The following PRKD2 variants were observed in gnomAD, a reference collection of about 807,000 sequenced individuals.
PRKD2 encodes the protein protein kinase D2.
A neutral mutation model predicts 86.0 loss-of-function variants in PRKD2; 22 were observed. The ratio of observed to expected loss-of-function variants is 0.26; its 90% CI spans 0.18 to 0.37. The LOEUF (loss-of-function observed/expected upper bound fraction) is 0.37. PRKD2 is among the 10% of genes least tolerant of loss of function. The probability of loss-of-function intolerance (pLI) is 1.00; values close to 1 mark genes in which losing one functional copy is unlikely to be tolerated. For synonymous variants in PRKD2, 509 were observed against 510.9 expected, an observed-to-expected ratio of 1.00 and a Z score of 0.05; for missense variants, 818 against 1,199.2, an observed-to-expected ratio of 0.68 and a Z score of 4.70.
rs775542092 is a variant in PRKD2 at position 46,678,428 on chromosome 19, G to A, written c.2306C>T (p.Pro769Leu). ...TGAGATGTGGCTCCAGGGGCTGGCC[G>A]GGTACATGAAGGCGGCGTTCTGGAT... ...DQIQNAAFMY[P>L]ASPWSHISAG... Residue 769 changes from proline (P) to leucine (L), a missense_variant, in exon 16 of 18, where the codon CCG (proline) becomes CTG (leucine). By Grantham distance (98) the Pro-to-Leu change is moderately conservative. Around this residue, in one of 5 missense-constraint regions of PRKD2, gnomAD observed 154 missense variants for 359.6 expected, o/e 0.43. Transcript: ENST00000291281. This position sits in a 1 kb window ranked among gnomAD's most constrained non-coding sequence, Gnocchi z 5.7. The A allele has an allele frequency of 1.2e-6, 2 of 1,614,138 alleles. No homozygotes were observed. Among genetic ancestry groups the A allele is most frequent in the South Asian group, 1.1e-5 (1 of 91,084 alleles).
At chr19:46,687,109 G>C (rs886818494) in intron 14 of PRKD2, among the ~76,000 whole-genome samples, 1 of 151,468 alleles carries the variant, frequency 6.6e-6, no homozygotes, top group Non-Finnish European at 1.5e-5. Context: ...AACAGAGGCC[G>C]GGCACAGTGG....
chr19:46,689,574 C>T lies in PRKD2; in HGVS notation c.1934G>A (p.Arg645Gln), dbSNP rs756439784. 6.8e-6 allele frequency: 11 copies of T among 1,613,310 alleles called. No individual in the cohort carries two copies. The highest frequency in any genetic ancestry group is 6.7e-5 in the African/African-American group (5 of 74,890). ...GAACTTGGTGAGGCGCTCAGGCAGC[C>T]GGCCCTTCTCACTGGACAGGATCAT... Reference protein sequence around the residue: ...LEMILSSEKGRLPERLTKFLI... With the variant: ...LEMILSSEKGQLPERLTKFLI... Residue 645 changes from arginine (R) to glutamine (Q), a missense_variant, in exon 14 of 18, where the codon CGG (arginine) becomes CAG (glutamine). By Grantham distance (43) the Arg-to-Gln change is conservative. This residue lies in a region of PRKD2 where 154 missense variants were observed against 359.6 expected (regional missense o/e 0.43). Coordinates refer to ENST00000291281, the MANE Select transcript of PRKD2 (RefSeq NM_016457.5).
intron 3 of PRKD2, among the ~76,000 whole-genome samples, chr19:46,708,729 C>T (rs1192752392): frequency 6.6e-6 from 1 of 152,184 alleles, no homozygotes; most frequent in East Asian, 1.9e-4. Flanking sequence ...CAGAACCCTG[C>T]CAGAATCTGG....
rs2053239983 is a variant in PRKD2 at position 46,678,219 on chromosome 19, C to CT, written c.2338+176dup. 7 of 1,033,502 alleles carry CT rather than the reference C, an allele frequency of 6.8e-6. No homozygotes were observed. In the South Asian group the frequency reaches 8.3e-5, roughly 12 times the overall value. 64.0% of individuals were successfully genotyped at this position (1,033,502 alleles called of 1,614,324 possible). A position where few individuals can be genotyped will look rare whatever the true frequency, so the allele number is the denominator to read the frequency against. ...AGTCTAGGCCTGAGTCCCAGCCCAT[C>CT]TTTTACAGGACGGCTCCTCCTGTAG... On this transcript the variant is annotated intron_variant, in intron 16 of 17. Transcript: ENST00000291281. The surrounding 1 kb of genome is among the most constrained non-coding windows in gnomAD (Gnocchi z 5.7).
chr19:46,683,466 A>G (rs1287742018), intron 14 of PRKD2, among the ~76,000 whole-genome samples: 2 of 152,186 alleles, frequency 1.3e-5, no homozygotes, highest in Non-Finnish European at 2.9e-5. Context: ...TCATGCCTGT[A>G]ATCTCAGCAC....
At chr19:46,713,525 C>A (rs990301605) in intron 2 of PRKD2, among the ~76,000 whole-genome samples, 2 of 152,138 alleles carry the variant, frequency 1.3e-5, no homozygotes, top group Non-Finnish European at 2.9e-5. Flanking sequence ...CACTAGCATC[C>A]TAATCCATAA....
chr19:46,699,988 C>A (rs1425295080), intron 7 of PRKD2, among the ~76,000 whole-genome samples: 1 of 150,704 alleles, frequency 6.6e-6, no homozygotes, highest in East Asian at 1.9e-4. Flanking sequence ...GTAATCCCAG[C>A]ACTTTGGGAG....
Position 46,701,130 on chromosome 19 carries a change from A to G in PRKD2, c.890-18T>C. 6.2e-7 allele frequency: 1 copy of G among 1,612,448 alleles called. No homozygotes were observed. Among genetic ancestry groups the G allele is most frequent in the Non-Finnish European group, 8.5e-7 (1 of 1,178,506 alleles). ...CTTGCAGTCTGGTAGGACAGGGAAC[A>G]AGGGAACGGGTGAGAAGGGGAAGAG... is the stretch of plus-strand genomic sequence containing the variant. On this transcript the variant is annotated intron_variant, in intron 5 of 17. Coordinates refer to ENST00000291281, the MANE Select transcript of PRKD2 (RefSeq NM_016457.5).
chr19:46,703,051 G>A (rs1440514939), intron 5 of PRKD2, among the ~76,000 whole-genome samples: 1 of 152,200 alleles, frequency 6.6e-6, no homozygotes, highest in Non-Finnish European at 1.5e-5. Flanking sequence ...TCTAGGTTAC[G>A]ATGGTTTCAA....
chr19:46,679,773 C>T lies in PRKD2; in HGVS notation c.2071-1110G>A, dbSNP rs540247407. 7.2e-5 allele frequency among the ~76,000 whole-genome samples: 11 copies of T among 152,110 alleles called. No homozygotes were observed. In the South Asian group the frequency reaches 1.5e-3, roughly 20 times the overall value. ...CCGAATAGCTGGGATCACAGGGACC[C>T]GCCACCATGCCTGGCTAATTTTTGT... On this transcript the variant is annotated intron_variant, in intron 15 of 17. Transcript: ENST00000291281.
chr19:46,710,623 C>T, intron 3 of PRKD2: 1 of 392,188 alleles, frequency 2.5e-6, no homozygotes, highest in Non-Finnish European at 4.6e-6. Flanking sequence ...CTTCCCCCGC[C>T]ACCCTTCTGC....
rs1483165783 is a variant in PRKD2 at position 46,710,970 on chromosome 19, C to T, written c.448G>A (p.Ala150Thr). The T allele has an allele frequency of 2.5e-6, 4 of 1,576,798 alleles. No individual in the cohort carries two copies. Among genetic ancestry groups the T allele is most frequent in the Admixed American group, 3.7e-5 (2 of 54,422 alleles). The change falls in exon 3 of 18, where the codon GCC becomes ACC. Residue 150 changes from alanine to threonine, a missense_variant. This residue lies in a region of PRKD2 where 403 missense variants were observed against 518.6 expected (regional missense o/e 0.78). Transcript: ENST00000291281. ...ATCTCCCCGCAGTGATCACAGAAGGCAGGCGCCCGATAGGAGTGCACCGTG... is the reference window on the plus strand; with the variant it reads ...ATCTCCCCGCAGTGATCACAGAAGGTAGGCGCCCGATAGGAGTGCACCGTG... ...ALTVHSYRAP[A>T]FCDHCGEMLF...
Position 46,713,799 on chromosome 19 carries a change from C to G in PRKD2, c.379+64G>C, listed in dbSNP as rs892759501. The G allele has an allele frequency of 5.8e-5, 73 of 1,252,328 alleles. No homozygotes were observed. In the African/African-American group the frequency reaches 8.6e-4, roughly 15 times the overall value. 77.6% of individuals were successfully genotyped at this position (1,252,328 alleles called of 1,614,324 possible). A position where few individuals can be genotyped will look rare whatever the true frequency, so the allele number is the denominator to read the frequency against. ...CCTGACTTCTAACTCCCCCTACCCT[C>G]TCCTCCCCCAGATGCCCCGCCCCCA... On this transcript the variant is annotated intron_variant, in intron 2 of 17. Transcript: ENST00000291281.
In PRKD2 at chr19:46,693,570, G is replaced by A. The variant is rs908531126; in HGVS notation, c.1576+305C>T. Among the ~76,000 whole-genome samples the A allele has an allele frequency of 1.3e-5, 2 of 152,076 alleles. No individual in the cohort carries two copies. The highest frequency in any genetic ancestry group is 4.8e-5 in the African/African-American group (2 of 41,406). The stretch of plus-strand genomic sequence containing the variant: ...TCCTGCCTCAGCCTTCCAAGTACCT[G>A]GAACTACAGGTGTGCACCACCACAC... On this transcript the variant is annotated intron_variant, in intron 10 of 17. Coordinates refer to ENST00000291281, the MANE Select transcript of PRKD2 (RefSeq NM_016457.5). This position sits in a 1 kb window ranked among gnomAD's most constrained non-coding sequence, Gnocchi z 4.5.
Position 46,694,211 on chromosome 19 carries a change from G to A in PRKD2, c.1318-78C>T, listed in dbSNP as rs577948264. 2.6e-5 allele frequency: 40 copies of A among 1,550,856 alleles called. No homozygotes were observed. In the East Asian group the frequency reaches 3.6e-4, roughly 14 times the overall value. On this transcript the variant is annotated intron_variant, in intron 9 of 17. Transcript: ENST00000291281. ...CTAGTGCTTACCCAGAAGGATACAC[G>A]GGATCCATGTTGATAGGGATGGGCC...
intron 7 of PRKD2, among the ~76,000 whole-genome samples, chr19:46,700,264 C>T (rs1199168844): frequency 6.6e-6 from 1 of 151,940 alleles, no homozygotes; most frequent in Non-Finnish European, 1.5e-5. Flanking sequence ...CAGTGCATCC[C>T]TGTAGTCCCA....
At chr19:46,713,706 C>T (rs1361808103) in intron 2 of PRKD2, among the ~76,000 whole-genome samples, 157 bp downstream of exon 2, 1 of 151,790 alleles carries the variant, frequency 6.6e-6, no homozygotes, top group African/African-American at 2.4e-5. Context: ...CTCAAGCGAT[C>T]CCCCCAGCTC....
At chr19:46,690,767 G>T in intron 12 of PRKD2, 61 bp from the exon 13 acceptor site, 1 of 1,460,440 alleles carries the variant, frequency 6.8e-7, no homozygotes, top group Non-Finnish European at 9.6e-7. Flanking sequence ...CCTGGCAGGA[G>T]TATCTCCACC....
rs778413280 is a variant in PRKD2 at position 46,697,722 on chromosome 19, C to T, written c.1239+11G>A. The T allele has an allele frequency of 2.5e-6, 4 of 1,606,846 alleles. No individual in the cohort carries two copies. The highest frequency in any genetic ancestry group is 1.1e-5 in the South Asian group (1 of 90,834). On this transcript the variant is annotated intron_variant, in intron 8 of 17. Coordinates refer to ENST00000291281, the MANE Select transcript of PRKD2 (RefSeq NM_016457.5). ...CGCTCCGCCGTACCCGGCCCCGCCC[C>T]GGCCACTCACCAGCGTGTCCTTGTT...
Sources: allele counts gnomAD v4.1 joint callset (sites outside exome capture counted in the v4.1 genomes callset), GRCh38; gene constraint gnomAD v4.1.1; regional missense constraint gnomAD v4.1.1; non-coding constraint Gnocchi (gnomAD v3.1); transcripts MANE v1.5; gene names NCBI Gene and HGNC (gene_info 2026-07-23, HGNC 2026-07-21).